The following EPHA6 variants were observed in gnomAD, a reference collection of about 807,000 sequenced individuals.
The protein encoded by EPHA6 is ephrin type-A receptor 6.
In EPHA6, 50 loss-of-function variants were observed where a neutral mutation model predicts 112.0. The observed-to-expected ratio is 0.45, with a 90% CI of 0.36 to 0.56. EPHA6 has a LOEUF of 0.56. Among genes scored for constraint, EPHA6 ranks in the 20% least tolerant of loss-of-function variants. The pLI is 0.00. For missense variants in EPHA6, 1,280 were observed against 1,417.4 expected (o/e 0.90, Z 1.56); for synonymous variants, 529 against 490.7 (o/e 1.08, Z -1.03).
intron 6 of EPHA6, among the ~76,000 whole-genome samples, chr3:97,420,980 C>T (rs1393920460): frequency 6.6e-6 from 1 of 151,984 alleles, no homozygotes; most frequent in Admixed American, 6.6e-5. Flanking sequence ...TTAATAGATG[C>T]AGAAAAGGCA....
chr3:96,887,658 G>T (rs2037708607), intron 2 of EPHA6, among the ~76,000 whole-genome samples: 1 of 152,148 alleles, frequency 6.6e-6, no homozygotes, highest in African/African-American at 2.4e-5. Flanking sequence ...GAACTCCCAG[G>T]ATTATATGCC....
chr3:97,634,548 A>G (rs1466843896), intron 13 of EPHA6, among the ~76,000 whole-genome samples: 1 of 152,116 alleles, frequency 6.6e-6, no homozygotes, highest in East Asian at 1.9e-4. Flanking sequence ...TCACAGGACC[A>G]GCTTCCTTAT....
At chr3:96,851,271 T>G (rs2035367671) in intron 1 of EPHA6, among the ~76,000 whole-genome samples, 1 of 152,086 alleles carries the variant, frequency 6.6e-6, no homozygotes, top group Admixed American at 6.6e-5. Context: ...TGGATCTGAG[T>G]GACTATAAAC....
chr3:97,179,916 G>A (rs545924728), intron 3 of EPHA6, among the ~76,000 whole-genome samples: 2 of 151,984 alleles, frequency 1.3e-5, no homozygotes, highest in African/African-American at 2.4e-5. Context: ...GTTCACTCAA[G>A]ACCCTGGAGC....
At chr3:97,521,923 C>CAA (rs754123519) in intron 10 of EPHA6, among the ~76,000 whole-genome samples, 8 of 87,948 alleles carry the variant, frequency 9.1e-5, no homozygotes, top group South Asian at 4.3e-4. Flanking sequence ...GAGCCTTTTT[C>CAA]AAAAAAAAAA....
chr3:97,384,404 A>T (rs1180859266), intron 5 of EPHA6, among the ~76,000 whole-genome samples: 1 of 152,174 alleles, frequency 6.6e-6, no homozygotes, highest in African/African-American at 2.4e-5. Flanking sequence ...TAATTACAGC[A>T]CTGTGCTGCC....
intron 3 of EPHA6, among the ~76,000 whole-genome samples, chr3:97,060,421 T>A (rs1014965597): frequency 2.0e-5 from 3 of 152,152 alleles, no homozygotes; most frequent in African/African-American, 7.2e-5. Flanking sequence ...AACATATATA[T>A]TACAGTGAGA....
chr3:96,972,733 T>C (rs948800350), intron 2 of EPHA6, among the ~76,000 whole-genome samples: 3 of 152,152 alleles, frequency 2.0e-5, no homozygotes, highest in African/African-American at 4.8e-5. Context: ...TGCTATGTTT[T>C]GAGTATTTTA....
intron 5 of EPHA6, among the ~76,000 whole-genome samples, chr3:97,249,705 A>G (rs1477000227): frequency 6.6e-6 from 1 of 152,202 alleles, no homozygotes; most frequent in East Asian, 1.9e-4. Context: ...GAGGGCATGA[A>G]TGATGTGTTA....
Position 97,760,332 on chromosome 3 carries a change from G to GGA in EPHA6, c.*11634_*11635dup, listed in dbSNP as rs1559657652. ...TAATTGTGCTTGGTGCTTTGTTTCT[G>GGA]GAGATATATATATATATATTATATA... On this transcript the variant is annotated 3_prime_UTR_variant, in exon 18 of 18. Transcript: ENST00000389672. The GGA allele has an allele frequency of 1.9e-5, 3 of 161,124 alleles. No individual in the cohort carries two copies. Among genetic ancestry groups the GGA allele is most frequent in the Non-Finnish European group, 2.6e-5 (2 of 75,892 alleles). 10.0% of individuals were successfully genotyped at this position (161,124 alleles called of 1,614,324 possible).
chr3:97,533,325 C>T (rs867362890), intron 11 of EPHA6, among the ~76,000 whole-genome samples: 1 of 151,920 alleles, frequency 6.6e-6, no homozygotes, highest in Non-Finnish European at 1.5e-5. Context: ...ATTTTAAAAT[C>T]TTTTAAATAA....
At chr3:97,107,335 C>A (rs1424212133) in intron 3 of EPHA6, among the ~76,000 whole-genome samples, 1 of 151,932 alleles carries the variant, frequency 6.6e-6, no homozygotes, top group Non-Finnish European at 1.5e-5. Context: ...ACCTGGGGTC[C>A]CTGCTTTTAT....
intron 16 of EPHA6, among the ~76,000 whole-genome samples, chr3:97,742,047 G>C (rs569796435): frequency 6.6e-6 from 1 of 152,000 alleles, no homozygotes; most frequent in East Asian, 1.9e-4. Context: ...AGAGAAATGA[G>C]GAAAATATGG....
chr3:97,275,974 G>A (rs1428105959), intron 5 of EPHA6, among the ~76,000 whole-genome samples: 5 of 152,098 alleles, frequency 3.3e-5, no homozygotes, highest in African/African-American at 2.4e-5. Flanking sequence ...CTGGGCAGGC[G>A]GGGATAACTA....
intron 1 of EPHA6, among the ~76,000 whole-genome samples, chr3:96,816,863 C>T (rs1369954408): frequency 1.3e-5 from 2 of 151,970 alleles, no homozygotes; most frequent in Non-Finnish European, 2.9e-5. Flanking sequence ...TTAACCTCTT[C>T]CAGTAATTTT....
At chr3:96,865,944 T>C (rs1427934003) in intron 1 of EPHA6, among the ~76,000 whole-genome samples, 1 of 152,004 alleles carries the variant, frequency 6.6e-6, no homozygotes, top group Non-Finnish European at 1.5e-5. Flanking sequence ...CAATCGTTTC[T>C]ATCATCTAAC....
intron 2 of EPHA6, among the ~76,000 whole-genome samples, chr3:96,928,516 G>A (rs2040154589): frequency 6.6e-6 from 1 of 152,162 alleles, no homozygotes; most frequent in Non-Finnish European, 1.5e-5. Flanking sequence ...TTTTGCATTT[G>A]CTTTGGAGTA....
intron 3 of EPHA6, among the ~76,000 whole-genome samples, chr3:97,107,555 G>A (rs78852870): frequency 0.048 from 7,322 of 152,032 alleles, 618 homozygotes; most frequent in African/African-American, 0.17. Flanking sequence ...ATAGCTATTC[G>A]TAACTGACTA....
rs370487529 is a variant in EPHA6 at position 96,881,822 on chromosome 3, T to C, written c.450+14933T>C. Among the ~76,000 whole-genome samples the C allele has an allele frequency of 7.9e-5, 12 of 152,252 alleles. No homozygotes were observed. In the East Asian group the frequency reaches 1.9e-3, roughly 25 times the overall value. On this transcript the variant is annotated intron_variant, in intron 2 of 17. Coordinates refer to ENST00000389672, the MANE Select transcript of EPHA6 (RefSeq NM_001080448.3). ...ATACAGGCATTCCAAATGGGAGAAA[T>C]TGGCCAAAACAAAGGGGCTACGGGC...
Sources: allele counts gnomAD v4.1 joint callset (sites outside exome capture counted in the v4.1 genomes callset), GRCh38; gene constraint gnomAD v4.1.1; transcripts MANE v1.5; gene names NCBI Gene and HGNC (gene_info 2026-07-23, HGNC 2026-07-21).